Variants in XPO4 observed in about 807,000 individuals in gnomAD.
XPO4 encodes exportin 4, also known as exportin-4.
A neutral mutation model predicts 143.0 loss-of-function variants in XPO4; 39 were observed. The observed-to-expected ratio is 0.27, with a 90% CI of 0.21 to 0.36. XPO4 has a LOEUF of 0.36. Among genes scored for constraint, XPO4 ranks in the 10% least tolerant of loss-of-function variants. The pLI, the probability that XPO4 is intolerant of heterozygous loss-of-function variation, is 1.00. For synonymous variants in XPO4, 439 were observed against 474.0 expected (o/e 0.93, Z 0.96); for missense variants, 907 against 1,348.0 (o/e 0.67, Z 5.12).
chr13:20,816,145 A>G (rs1448191831), intron 9 of XPO4, among the ~76,000 whole-genome samples: 1 of 152,234 alleles, frequency 6.6e-6, no homozygotes, highest in Non-Finnish European at 1.5e-5. Flanking sequence ...GCATCAGCAC[A>G]ATCCCCACGT....
At chr13:20,832,981 G>A (rs974363452) in intron 6 of XPO4, among the ~76,000 whole-genome samples, 1 of 151,940 alleles carries the variant, frequency 6.6e-6, no homozygotes. Flanking sequence ...AAAAGGCAGT[G>A]TAACCAAACT....
intron 1 of XPO4, among the ~76,000 whole-genome samples, chr13:20,874,937 T>C (rs937284072): frequency 1.3e-5 from 2 of 152,034 alleles, no homozygotes; most frequent in African/African-American, 2.4e-5. Context: ...GAGGTAGCAG[T>C]GAGCCAAGAT....
At chr13:20,898,669 A>T (rs1042197137) in intron 1 of XPO4, among the ~76,000 whole-genome samples, 4 of 152,186 alleles carry the variant, frequency 2.6e-5, no homozygotes, top group Admixed American at 2.6e-4. Context: ...ATCACTAAGG[A>T]CAATCCAAAA....
intron 1 of XPO4, among the ~76,000 whole-genome samples, chr13:20,885,501 C>A: frequency 6.6e-6 from 1 of 152,074 alleles, no homozygotes. Flanking sequence ...TATAATTTAT[C>A]AGTAATGACA....
intron 1 of XPO4, among the ~76,000 whole-genome samples, chr13:20,887,288 CAGA>C (rs1376459127): frequency 2.6e-5 from 4 of 152,074 alleles, no homozygotes; most frequent in Non-Finnish European, 5.9e-5. Context: ...CTCATGAACA[CAGA>C]AGAAGAAATC....
At chr13:20,787,295 CA>C (rs2059218564) in intron 21 of XPO4, among the ~76,000 whole-genome samples, 185 bp downstream of exon 21, 1 of 152,044 alleles carries the variant, frequency 6.6e-6, no homozygotes, top group African/African-American at 2.4e-5. Context: ...TCCAAGAACA[CA>C]AAAAATAGAG....
chr13:20,805,554 C>G (rs2059493034), intron 13 of XPO4, among the ~76,000 whole-genome samples: 1 of 152,134 alleles, frequency 6.6e-6, no homozygotes, highest in Admixed American at 6.5e-5. Context: ...CCTCCCTTAC[C>G]AACCTCACAT....
chr13:20,863,414 A>T (rs1209440918), intron 2 of XPO4, among the ~76,000 whole-genome samples: 1 of 152,218 alleles, frequency 6.6e-6, no homozygotes, highest in African/African-American at 2.4e-5. Context: ...TCACATTTAC[A>T]CAAGGTGAGA....
chr13:20,786,531 T>A (rs1566552707), intron 22 of XPO4, among the ~76,000 whole-genome samples: 1 of 152,036 alleles, frequency 6.6e-6, no homozygotes, highest in Non-Finnish European at 1.5e-5. Context: ...ATCAACAAAA[T>A]GAAATAATAT....
In XPO4 at chr13:20,780,191, C is replaced by T. The variant is rs1448524283; in HGVS notation, c.*3531G>A. ...TGACTTAAAAGGTTAATGTTTTATT[C>T]AGGAACCAATAACAATAATTCCTCA... On this transcript the variant is annotated 3_prime_UTR_variant, in exon 23 of 23. Transcript: ENST00000255305. 1 of 152,120 alleles carries T rather than the reference C, an allele frequency of 6.6e-6. No homozygotes were observed. Among genetic ancestry groups the T allele is most frequent in the Non-Finnish European group, 1.5e-5 (1 of 68,036 alleles). 9.4% of individuals were successfully genotyped at this position (152,120 alleles called of 1,614,324 possible).
At chr13:20,851,670 AT>A (rs1330317564) in intron 4 of XPO4, 2 of 759,740 alleles carry the variant, frequency 2.6e-6, no homozygotes, top group Non-Finnish European at 1.6e-6. Flanking sequence ...AGACTACACC[AT>A]TGCCCTCCAG....
At chr13:20,834,557 G>A (rs1400168787) in intron 6 of XPO4, among the ~76,000 whole-genome samples, 1 of 151,236 alleles carries the variant, frequency 6.6e-6, no homozygotes, top group African/African-American at 2.4e-5. Flanking sequence ...TGGGCAACAG[G>A]GCGAGACCCA....
intron 6 of XPO4, among the ~76,000 whole-genome samples, chr13:20,830,184 T>C (rs2059835068): frequency 6.6e-6 from 1 of 152,298 alleles, no homozygotes; most frequent in Middle Eastern, 3.4e-3. Context: ...CCTTCAAGTG[T>C]TGGTAACCAG....
At chr13:20,852,982 C>T in intron 4 of XPO4, 1 of 985,318 alleles carries the variant, frequency 1.0e-6, no homozygotes, top group South Asian at 4.7e-5. Flanking sequence ...TCATGACATG[C>T]TGATCAGAAA....
intron 3 of XPO4, chr13:20,856,385 C>A (rs970420483): frequency 1.0e-6 from 1 of 985,014 alleles, no homozygotes; most frequent in Non-Finnish European, 1.2e-6. Context: ...ACAGAAGCAC[C>A]CATCCCAAGT....
chr13:20,808,024 T>C (rs1268264437), intron 12 of XPO4, among the ~76,000 whole-genome samples: 22 of 152,256 alleles, frequency 1.4e-4, no homozygotes, highest in Admixed American at 1.4e-3. Flanking sequence ...ACACTAATAG[T>C]ATGGTGGTCA....
chr13:20,784,569 A>AT (rs1241266550), intron 22 of XPO4, among the ~76,000 whole-genome samples: 1 of 152,198 alleles, frequency 6.6e-6, no homozygotes, highest in Non-Finnish European at 1.5e-5. Context: ...TTAATACTCT[A>AT]TTATAAAGCC....
At chr13:20,849,810 A>G in intron 4 of XPO4, 1 of 985,376 alleles carries the variant, frequency 1.0e-6, no homozygotes, top group Non-Finnish European at 1.2e-6. Flanking sequence ...ATTTTTTAAA[A>G]ATACACACAA....
intron 22 of XPO4, among the ~76,000 whole-genome samples, chr13:20,784,362 G>C (rs181504235): frequency 3.4e-4 from 52 of 152,276 alleles, no homozygotes; most frequent in African/African-American, 1.2e-3. Flanking sequence ...ACCCAGTTCT[G>C]AGGACAGCAA....
Sources: gnomAD v4.1 joint callset for allele counts (sites outside exome capture counted in the v4.1 genomes callset) on GRCh38, gnomAD v4.1.1 for gene constraint, MANE v1.5 for transcripts, NCBI Gene and HGNC (gene_info 2026-07-23, HGNC 2026-07-21) for gene names.